The following LAMA3 variants were observed in gnomAD, a reference collection of about 807,000 sequenced individuals.
LAMA3 encodes laminin subunit alpha 3, also known as laminin subunit alpha-3.
In LAMA3, 281 loss-of-function variants were observed where a neutral mutation model predicts 402.0. The ratio of observed to expected loss-of-function variants is 0.70; its 90% CI spans 0.63 to 0.77. The LOEUF is 0.77. Ranked by LOEUF, LAMA3 falls within the 30% of genes least tolerant of loss-of-function variation. LAMA3 has a pLI of 0.00. For synonymous variants in LAMA3, 1,431 were observed against 1,558.4 expected (o/e 0.92, Z 1.93); for missense variants, 3,840 against 4,215.5 (o/e 0.91, Z 2.47).
chr18:23,881,892 G>A, intron 39 of LAMA3, 44 bp from the exon 40 acceptor site: 2 of 1,212,074 alleles, frequency 1.7e-6, no homozygotes, highest in Non-Finnish European at 2.4e-6. Context: ...CAGAAGTAGG[G>A]ACTGTACTGG....
intron 45 of LAMA3, 26 bp from the exon 46 acceptor site, chr18:23,898,927 CT>C (rs761270031): frequency 6.3e-7 from 1 of 1,592,202 alleles, no homozygotes; most frequent in Non-Finnish European, 8.6e-7. Flanking sequence ...ACTTAATTTG[CT>C]GCTAATCAAT....
At chr18:23,762,058 A>T (rs1359836869) in intron 7 of LAMA3, among the ~76,000 whole-genome samples, 5 of 152,018 alleles carry the variant, frequency 3.3e-5, no homozygotes, top group African/African-American at 1.2e-4. Flanking sequence ...CTCTACAAAT[A>T]ATTAAAAATT....
chr18:23,893,002 C>T (rs891420891), intron 42 of LAMA3, among the ~76,000 whole-genome samples: 4 of 149,466 alleles, frequency 2.7e-5, no homozygotes, highest in African/African-American at 9.9e-5. Flanking sequence ...ATAAAGGGAA[C>T]ATTGTCTTTG....
At chr18:23,800,471 T>A (rs2062847166) in intron 12 of LAMA3, among the ~76,000 whole-genome samples, 1 of 152,190 alleles carries the variant, frequency 6.6e-6, no homozygotes, top group African/African-American at 2.4e-5. Flanking sequence ...ATGGATACAG[T>A]GTGTAATGAT....
At chr18:23,921,137 T>C (rs1453542936) in intron 61 of LAMA3, 83 bp downstream of exon 61, 2 of 1,419,048 alleles carry the variant, frequency 1.4e-6, no homozygotes, top group African/African-American at 2.8e-5. Flanking sequence ...AATAAATAAA[T>C]AAAACTTCCT....
chr18:23,829,902 CCAT>C (rs1397233079), intron 23 of LAMA3, among the ~76,000 whole-genome samples: 3 of 152,174 alleles, frequency 2.0e-5, no homozygotes, highest in Non-Finnish European at 2.9e-5. Flanking sequence ...TCTTATAAAT[CCAT>C]AACCCAGGAG....
chr18:23,720,401 C>A (rs2061188333), intron 2 of LAMA3, among the ~76,000 whole-genome samples: 1 of 152,138 alleles, frequency 6.6e-6, no homozygotes, highest in Non-Finnish European at 1.5e-5. Flanking sequence ...TGTCACCAGG[C>A]TGGAGTGCAG....
chr18:23,736,185 A>C (rs760030906), intron 2 of LAMA3, among the ~76,000 whole-genome samples: 1 of 151,628 alleles, frequency 6.6e-6, no homozygotes, highest in Non-Finnish European at 1.5e-5. Flanking sequence ...CTGGCTCCAG[A>C]TTCTGCACTC....
chr18:23,824,095 G>C (rs1598864664), intron 20 of LAMA3, among the ~76,000 whole-genome samples: 1 of 151,996 alleles, frequency 6.6e-6, no homozygotes, highest in Admixed American at 6.6e-5. Context: ...TAATTTAGTA[G>C]CTAATGTAAT....
At position 23,865,685 on chromosome 18, in the gene LAMA3, G is replaced by A. The variant is rs372646995; in HGVS notation, c.4683+802G>A. On this transcript the variant is annotated intron_variant, in intron 36 of 74. Coordinates refer to ENST00000313654, the MANE Select transcript of LAMA3 (RefSeq NM_198129.4). The stretch of plus-strand genomic sequence containing the variant: ...AGGGGGAATGGGAGTCATGTGGTCT[G>A]AGAGGCCCTTAGAAGACTTTGTGGT... Among the ~76,000 whole-genome samples, 26 of 152,264 alleles carry A rather than the reference G, an allele frequency of 1.7e-4. No homozygotes were observed. In the East Asian group the frequency reaches 4.6e-3, roughly 27 times the overall value.
At chr18:23,770,850 C>T (rs1263106997) in intron 8 of LAMA3, among the ~76,000 whole-genome samples, 3 of 152,164 alleles carry the variant, frequency 2.0e-5, no homozygotes, top group African/African-American at 4.8e-5. Flanking sequence ...CATACTACTA[C>T]ATACTCCCCA....
At chr18:23,869,989 C>T (rs912296263) in intron 37 of LAMA3, among the ~76,000 whole-genome samples, 18 of 151,164 alleles carry the variant, frequency 1.2e-4, no homozygotes, top group Non-Finnish European at 2.4e-4. Context: ...GGCAAAACCT[C>T]GTCTCTACCA....
chr18:23,788,028 GACAGTAGC>G (rs1257772246), intron 12 of LAMA3, among the ~76,000 whole-genome samples: 1 of 151,978 alleles, frequency 6.6e-6, no homozygotes, highest in African/African-American at 2.4e-5. Context: ...TAATATGTTT[GACAGTAGC>G]ACAAAGGAGA....
chr18:23,723,854 T>C (rs2061253294), intron 2 of LAMA3, among the ~76,000 whole-genome samples: 1 of 152,132 alleles, frequency 6.6e-6, no homozygotes, highest in South Asian at 2.1e-4. Flanking sequence ...ACTAAATCCA[T>C]GTTACCTATA....
chr18:23,816,286 C>T, intron 17 of LAMA3, 102 bp from the exon 18 acceptor site: 1 of 837,472 alleles, frequency 1.2e-6, no homozygotes. Context: ...AAGGCAGGCA[C>T]TGTGTCACTG....
intron 2 of LAMA3, among the ~76,000 whole-genome samples, chr18:23,714,692 C>T (rs979987183): frequency 6.6e-6 from 1 of 152,062 alleles, no homozygotes; most frequent in Non-Finnish European, 1.5e-5. Flanking sequence ...ATTTGTCATC[C>T]TAACCATTTT....
intron 2 of LAMA3, among the ~76,000 whole-genome samples, chr18:23,734,048 C>T (rs1005342927): frequency 1.3e-5 from 2 of 152,338 alleles, no homozygotes; most frequent in Middle Eastern, 6.8e-3. Context: ...TTCTCTCAGC[C>T]ACGGTGATCC....
intron 1 of LAMA3, among the ~76,000 whole-genome samples, chr18:23,700,171 C>T (rs1487261894): frequency 6.6e-6 from 1 of 151,898 alleles, no homozygotes; most frequent in African/African-American, 2.4e-5. Context: ...TCGGGAATGC[C>T]CTACTCTGTT....
At chr18:23,853,783 G>C (rs543679777) in intron 32 of LAMA3, among the ~76,000 whole-genome samples, 2 of 152,250 alleles carry the variant, frequency 1.3e-5, no homozygotes, top group African/African-American at 4.8e-5. Flanking sequence ...GCTGTTCCTT[G>C]GGTACCATAA....
Sources: allele counts gnomAD v4.1 joint callset (sites outside exome capture counted in the v4.1 genomes callset), GRCh38; gene constraint gnomAD v4.1.1; transcripts MANE v1.5; gene names NCBI Gene and HGNC (gene_info 2026-07-23, HGNC 2026-07-21).